Variants in SPMIP11 observed in about 807,000 individuals in gnomAD.
The protein encoded by SPMIP11 is long intergenic non-protein coding RNA 935.
the SPMIP11 span, among the ~76,000 whole-genome samples, chr12:48,750,357 A>AAAAAC: frequency 3.3e-5 from 5 of 152,166 alleles, no homozygotes; most frequent in African/African-American, 1.2e-4. Context: ...TCTCTCTCTA[A>AAAAAC]AAAACAAAAC....
the SPMIP11 span, chr12:48,759,273 GC>G: frequency 1.4e-6 from 1 of 702,982 alleles, no homozygotes; most frequent in African/African-American, 1.7e-5. Flanking sequence ...ATTATTCCGT[GC>G]ACCAGAATAG....
At chr12:48,738,974 C>T in the SPMIP11 span, among the ~76,000 whole-genome samples, 46,340 of 150,510 alleles carry the variant, frequency 0.31, 7,944 homozygotes, top group East Asian at 0.76. Context: ...GAACATTTTA[C>T]CTTGGTTATT....
chr12:48,741,008 C>T, the SPMIP11 span, among the ~76,000 whole-genome samples: 3 of 151,116 alleles, frequency 2.0e-5, no homozygotes, highest in African/African-American at 7.3e-5. Context: ...ATTTAGTGAG[C>T]GTGTCTCTTT....
the SPMIP11 span, among the ~76,000 whole-genome samples, chr12:48,730,489 T>A: frequency 6.6e-6 from 1 of 152,216 alleles, no homozygotes; most frequent in African/African-American, 2.4e-5. Flanking sequence ...TTCTAATTAA[T>A]CCATACTTTT....
chr12:48,767,166 G>A, the SPMIP11 span: 1 of 152,816 alleles, frequency 6.5e-6, no homozygotes, highest in East Asian at 1.9e-4. Flanking sequence ...ACACTATCTG[G>A]GGAAGCCAGG....
chr12:48,730,429 C>G, the SPMIP11 span, among the ~76,000 whole-genome samples: 77 of 152,198 alleles, frequency 5.1e-4, 1 homozygote, highest in East Asian at 0.014. Context: ...CAATTTTATA[C>G]CCTCCAGTTA....
chr12:48,768,555 C>T, the SPMIP11 span: 13 of 1,614,012 alleles, frequency 8.1e-6, no homozygotes, highest in Non-Finnish European at 7.6e-6. Context: ...CAATGCCCAC[C>T]TTGGTCCCTT....
At chr12:48,751,958 T>G in the SPMIP11 span, among the ~76,000 whole-genome samples, 2 of 151,816 alleles carry the variant, frequency 1.3e-5, no homozygotes, top group African/African-American at 4.8e-5. Flanking sequence ...TCCCAGCTAC[T>G]TGGGAGGCCG....
chr12:48,768,554 C>T, the SPMIP11 span: 1 of 1,614,136 alleles, frequency 6.2e-7, no homozygotes, highest in Non-Finnish European at 8.5e-7. Context: ...TCAATGCCCA[C>T]CTTGGTCCCT....
the SPMIP11 span, among the ~76,000 whole-genome samples, chr12:48,761,948 C>T: frequency 1.3e-5 from 2 of 150,308 alleles, no homozygotes; most frequent in Non-Finnish European, 3.0e-5. Flanking sequence ...GATCCTCCTG[C>T]CTCAGCCCCA....
At chr12:48,758,945 A>G in the SPMIP11 span, among the ~76,000 whole-genome samples, 87 of 152,318 alleles carry the variant, frequency 5.7e-4, no homozygotes, top group African/African-American at 1.8e-3. Flanking sequence ...TATGTGTCCA[A>G]TATCCTGATT....
At chr12:48,769,112 A>C in the SPMIP11 span, 1 of 1,498,736 alleles carries the variant, frequency 6.7e-7, no homozygotes, top group African/African-American at 1.4e-5. Context: ...GGGTAAACCC[A>C]GGGAGTCATC....
chr12:48,744,880 AAAAG>A, the SPMIP11 span, among the ~76,000 whole-genome samples: 1 of 152,162 alleles, frequency 6.6e-6, no homozygotes, highest in African/African-American at 2.4e-5. Context: ...AAAAGAAAGA[AAAAG>A]AAGCAGCAGC....
At chr12:48,759,050 T>G in the SPMIP11 span, among the ~76,000 whole-genome samples, 1 of 152,204 alleles carries the variant, frequency 6.6e-6, no homozygotes, top group East Asian at 1.9e-4. Context: ...CCCTCCCCTC[T>G]GTCACAGCCA....
chr12:48,769,423 A>C, the SPMIP11 span, among the ~76,000 whole-genome samples: 1 of 151,348 alleles, frequency 6.6e-6, no homozygotes, highest in South Asian at 2.1e-4. Context: ...CAAAAAAAAA[A>C]AAAAAAAAAA....
chr12:48,734,385 A>G, the SPMIP11 span, among the ~76,000 whole-genome samples: 4 of 152,200 alleles, frequency 2.6e-5, no homozygotes, highest in African/African-American at 9.7e-5. Flanking sequence ...TTCTGGGATT[A>G]CAGGAGCAAG....
chr12:48,759,928 T>C, the SPMIP11 span, among the ~76,000 whole-genome samples: 1 of 152,112 alleles, frequency 6.6e-6, no homozygotes, highest in Non-Finnish European at 1.5e-5. Context: ...TGCCTCAGCC[T>C]CCTGAGTAGC....
At chr12:48,740,350 T>C in the SPMIP11 span, among the ~76,000 whole-genome samples, 1 of 152,088 alleles carries the variant, frequency 6.6e-6, no homozygotes, top group African/African-American at 2.4e-5. Flanking sequence ...TATATCTCTT[T>C]CCCTCTAAAT....
the SPMIP11 span, chr12:48,765,532 T>C: frequency 2.9e-6 from 2 of 699,476 alleles, no homozygotes; most frequent in Non-Finnish European, 2.6e-6. Flanking sequence ...CCCAGCCTCT[T>C]GGGAGCTATT....
Sources: gnomAD v4.1 joint callset for allele counts (sites outside exome capture counted in the v4.1 genomes callset) on GRCh38, gnomAD v4.1.1 for gene constraint, MANE v1.5 for transcripts, NCBI Gene and HGNC (gene_info 2026-07-23, HGNC 2026-07-21) for gene names.